NAALADL2: variants seen among roughly 807,000 people sequenced by gnomAD.
The protein encoded by NAALADL2 is inactive N-acetylated-alpha-linked acidic dipeptidase-like protein 2.
A neutral mutation model predicts 87.2 loss-of-function variants in NAALADL2; 76 were observed. The observed-to-expected ratio is 0.87, with a 90% CI of 0.72 to 1.05. The LOEUF (loss-of-function observed/expected upper bound fraction) is 1.05. Among genes scored for constraint, NAALADL2 ranks in the 50% least tolerant of loss-of-function variants. The pLI is 0.00. For missense variants in NAALADL2, 1,089 were observed against 945.8 expected, an observed-to-expected ratio of 1.15 and a Z score of -1.99; for synonymous variants, 354 against 331.0, an observed-to-expected ratio of 1.07 and a Z score of -0.75.
At chr3:175,694,635 G>A (rs750624307) in intron 11 of NAALADL2, among the ~76,000 whole-genome samples, 4 of 152,052 alleles carry the variant, frequency 2.6e-5, no homozygotes, top group Non-Finnish European at 4.4e-5. Flanking sequence ...ATGGGTTCCT[G>A]GAGATAAGGA....
intron 2 of NAALADL2, among the ~76,000 whole-genome samples, chr3:174,647,878 C>G (rs1723959042): frequency 6.6e-6 from 1 of 152,172 alleles, no homozygotes; most frequent in Non-Finnish European, 1.5e-5. Context: ...TCACAAGTCT[C>G]ATTCCAAAAC....
chr3:174,595,758 C>T (rs910147689), intron 2 of NAALADL2, among the ~76,000 whole-genome samples: 1 of 152,178 alleles, frequency 6.6e-6, no homozygotes, highest in African/African-American at 2.4e-5. Flanking sequence ...TGCCTGTAAT[C>T]CCAGCACTTT....
At chr3:175,048,928 G>A (rs1415676537) in intron 1 of NAALADL2, among the ~76,000 whole-genome samples, 3 of 152,046 alleles carry the variant, frequency 2.0e-5, no homozygotes, top group Non-Finnish European at 2.9e-5. Context: ...TGTTGCTTTA[G>A]ACAAACCACT....
At chr3:174,590,684 T>C (rs939940200) in intron 2 of NAALADL2, among the ~76,000 whole-genome samples, 3 of 152,150 alleles carry the variant, frequency 2.0e-5, no homozygotes, top group African/African-American at 2.4e-5. Context: ...TCCACTATTT[T>C]CTTGCACAAG....
intron 4 of NAALADL2, among the ~76,000 whole-genome samples, chr3:175,322,063 C>A (rs898592064): frequency 3.3e-5 from 5 of 151,472 alleles, no homozygotes; most frequent in African/African-American, 1.2e-4. Flanking sequence ...AAGCTGGAGG[C>A]ATCACGCTAC....
At chr3:175,589,707 A>G (rs968285657) in intron 10 of NAALADL2, among the ~76,000 whole-genome samples, 3 of 151,510 alleles carry the variant, frequency 2.0e-5, no homozygotes, top group South Asian at 2.1e-4. Context: ...TTTAGAATTG[A>G]TATTTGTTCC....
chr3:175,206,018 C>T (rs1456925040), intron 2 of NAALADL2, among the ~76,000 whole-genome samples: 4 of 151,750 alleles, frequency 2.6e-5, no homozygotes, highest in Non-Finnish European at 5.9e-5. Context: ...CTAGTACACC[C>T]ACTATGGAAA....
At chr3:174,873,837 T>C (rs974362972) in intron 1 of NAALADL2, among the ~76,000 whole-genome samples, 1 of 151,310 alleles carries the variant, frequency 6.6e-6, no homozygotes, top group Non-Finnish European at 1.5e-5. Flanking sequence ...AGGAAACATA[T>C]TGAAAGAGGG....
rs142572916 is a variant in NAALADL2 at position 175,088,982 on chromosome 3, T to G, written c.44-7808T>G. Among the ~76,000 whole-genome samples the G allele has an allele frequency of 7.2e-5, 11 of 152,234 alleles. No homozygotes were observed. In the East Asian group the frequency reaches 2.1e-3, roughly 29 times the overall value. On this transcript the variant is annotated intron_variant, in intron 1 of 13. Transcript: ENST00000454872. Reference sequence around the variant, plus strand: ...TGAATGTGAACTGTAACTGTCACGTTCTTAGCAGAGTTGCTTTGCTCTTTG... The same window carrying G: ...TGAATGTGAACTGTAACTGTCACGTGCTTAGCAGAGTTGCTTTGCTCTTTG...
intron 2 of NAALADL2, among the ~76,000 whole-genome samples, chr3:175,227,690 CTATT>C (rs1358771274): frequency 4.6e-5 from 7 of 151,854 alleles, no homozygotes; most frequent in Admixed American, 6.6e-5. Context: ...TCAATAAAAT[CTATT>C]TATTTTAACA....
chr3:175,039,320 C>T (rs1753778742), intron 1 of NAALADL2, among the ~76,000 whole-genome samples: 1 of 152,096 alleles, frequency 6.6e-6, no homozygotes. Flanking sequence ...GCATGTGCCA[C>T]GACGCCTGGC....
rs545046720 is a variant in NAALADL2 at position 175,281,071 on chromosome 3, T to C, written c.939+24541T>C. Among the ~76,000 whole-genome samples, 10 of 150,860 alleles carry C rather than the reference T, an allele frequency of 6.6e-5. No individual in the cohort carries two copies. In the South Asian group the frequency reaches 2.1e-3, roughly 31 times the overall value. ...TGAGGTGCAGTGAATCTCAGTTTTG[T>C]TTTTCTTTTGAATTTATATAATACT... On this transcript the variant is annotated intron_variant, in intron 4 of 13. Coordinates refer to ENST00000454872, the MANE Select transcript of NAALADL2 (RefSeq NM_207015.3).
At chr3:175,699,494 T>C (rs1309894860) in intron 11 of NAALADL2, among the ~76,000 whole-genome samples, 4 of 152,044 alleles carry the variant, frequency 2.6e-5, no homozygotes, top group Non-Finnish European at 4.4e-5. Flanking sequence ...CAAGAAAATG[T>C]CTGGAGCCTC....
intron 3 of NAALADL2, among the ~76,000 whole-genome samples, chr3:174,836,582 G>A (rs1723353525): frequency 6.6e-6 from 1 of 151,912 alleles, no homozygotes; most frequent in African/African-American, 2.4e-5. Context: ...GGTGGTGGGT[G>A]CCTGTGGTCC....
chr3:174,527,181 G>C (rs1213251040), intron 1 of NAALADL2, among the ~76,000 whole-genome samples: 1 of 151,972 alleles, frequency 6.6e-6, no homozygotes, highest in African/African-American at 2.4e-5. Flanking sequence ...AAAATATTTG[G>C]ATTTCTAGGA....
chr3:174,620,753 G>A (rs1425275928), intron 2 of NAALADL2, among the ~76,000 whole-genome samples: 1 of 151,960 alleles, frequency 6.6e-6, no homozygotes, highest in African/African-American at 2.4e-5. Context: ...ATTCAGTTGG[G>A]TGCACATAAA....
chr3:174,507,436 C>G (rs950227498), intron 1 of NAALADL2, among the ~76,000 whole-genome samples: 1 of 152,060 alleles, frequency 6.6e-6, no homozygotes, highest in Non-Finnish European at 1.5e-5. Context: ...CATTTCAATA[C>G]AGTTTCTTCT....
chr3:174,629,596 T>A (rs1406644517), intron 2 of NAALADL2, among the ~76,000 whole-genome samples: 2 of 152,190 alleles, frequency 1.3e-5, no homozygotes, highest in Non-Finnish European at 2.9e-5. Flanking sequence ...TAATGAAGGG[T>A]AAAACATTTC....
intron 2 of NAALADL2, among the ~76,000 whole-genome samples, chr3:175,139,804 A>T (rs183200982): frequency 6.6e-6 from 1 of 152,288 alleles, no homozygotes; most frequent in East Asian, 1.9e-4. Flanking sequence ...TATGCATTGC[A>T]AATTAGTTTC....
Sources: gnomAD v4.1 joint callset for allele counts (sites outside exome capture counted in the v4.1 genomes callset) on GRCh38, gnomAD v4.1.1 for gene constraint, MANE v1.5 for transcripts, NCBI Gene and HGNC (gene_info 2026-07-23, HGNC 2026-07-21) for gene names.